The following TMPRSS11F variants were observed in gnomAD, a reference collection of about 807,000 sequenced individuals.
The protein encoded by TMPRSS11F is transmembrane serine protease 11F.
Under a neutral mutation model 60.2 loss-of-function variants are expected in TMPRSS11F, and 47 were observed. That is an observed-to-expected ratio of 0.78 (90% confidence interval 0.62 to 1.00). The LOEUF is 1.00. TMPRSS11F is among the 50% of genes least tolerant of loss of function. The pLI is 0.00. For synonymous variants in TMPRSS11F, 166 were observed against 167.3 expected (o/e 0.99, Z 0.06); for missense variants, 519 against 522.9 (o/e 0.99, Z 0.07).
At chr4:68,064,435 C>T (rs908683598) in intron 8 of TMPRSS11F, among the ~76,000 whole-genome samples, 6 of 152,172 alleles carry the variant, frequency 3.9e-5, no homozygotes, top group Non-Finnish European at 7.3e-5. Context: ...GATCCGCCAG[C>T]CTTGGCCTCC....
At chr4:68,109,454 C>T (rs1205890449) in intron 1 of TMPRSS11F, among the ~76,000 whole-genome samples, 1 of 152,272 alleles carries the variant, frequency 6.6e-6, no homozygotes, top group East Asian at 1.9e-4. Context: ...AGGAATTATA[C>T]ACCAGGTGGA....
rs139926639 is a variant in TMPRSS11F at position 68,069,479 on chromosome 4, G to T, written c.553+490C>A. Among the ~76,000 whole-genome samples, 255 of 152,132 alleles carry T rather than the reference G, an allele frequency of 1.7e-3. 2 individuals are homozygous for T. Among genetic ancestry groups the T allele is most frequent in the African/African-American group, 6.0e-3 (249 of 41,524 alleles). On this transcript the variant is annotated intron_variant, in intron 6 of 9. Transcript: ENST00000356291. Reference sequence around the variant, plus strand: ...TAGATTTCAAGTCAATCTTAAAAGAGAACTTAAAGTGTTACAACATTTTTA... The same window carrying T: ...TAGATTTCAAGTCAATCTTAAAAGATAACTTAAAGTGTTACAACATTTTTA...
intron 1 of TMPRSS11F, among the ~76,000 whole-genome samples, chr4:68,125,098 C>T (rs1343391299): frequency 6.6e-6 from 1 of 151,640 alleles, no homozygotes; most frequent in Non-Finnish European, 1.5e-5. Flanking sequence ...ACTTCATAAA[C>T]TTGAACCATA....
intron 5 of TMPRSS11F, among the ~76,000 whole-genome samples, chr4:68,070,594 C>T (rs1723437450): frequency 6.6e-6 from 1 of 152,216 alleles, no homozygotes; most frequent in Non-Finnish European, 1.5e-5. Context: ...GCACTAGAGG[C>T]ATGAAGTTCT....
intron 2 of TMPRSS11F, among the ~76,000 whole-genome samples, chr4:68,093,263 A>G (rs913846490): frequency 3.3e-5 from 5 of 152,232 alleles, no homozygotes; most frequent in African/African-American, 1.2e-4. Flanking sequence ...ACCCCTTTAT[A>G]TAAGAGTACT....
chr4:68,108,039 G>T (rs998478330), intron 1 of TMPRSS11F, among the ~76,000 whole-genome samples: 1 of 152,198 alleles, frequency 6.6e-6, no homozygotes, highest in African/African-American at 2.4e-5. Context: ...GAGGGCAGCA[G>T]CGAAGATGTG....
At chr4:68,063,696 G>A (rs1049081051) in intron 8 of TMPRSS11F, among the ~76,000 whole-genome samples, 31 of 151,874 alleles carry the variant, frequency 2.0e-4, no homozygotes, top group Non-Finnish European at 4.6e-4. Flanking sequence ...TCTCTTTAAC[G>A]TAGAGTGAAC....
chr4:68,112,021 C>T (rs1024990540), intron 1 of TMPRSS11F, among the ~76,000 whole-genome samples: 9 of 152,078 alleles, frequency 5.9e-5, no homozygotes, highest in Non-Finnish European at 8.8e-5. Context: ...CACATTTCTC[C>T]GCAGCAATCC....
At chr4:68,086,879 A>G (rs1003300485) in intron 3 of TMPRSS11F, among the ~76,000 whole-genome samples, 2 of 152,190 alleles carry the variant, frequency 1.3e-5, no homozygotes, top group African/African-American at 4.8e-5. Flanking sequence ...ATCAGTAACA[A>G]AAAACCTACA....
chr4:68,114,944 T>C (rs886711940), intron 1 of TMPRSS11F, among the ~76,000 whole-genome samples: 1 of 141,882 alleles, frequency 7.0e-6, no homozygotes, highest in Non-Finnish European at 1.5e-5. Flanking sequence ...CATCTCAATA[T>C]ATTCAGAGAA....
intron 5 of TMPRSS11F, among the ~76,000 whole-genome samples, chr4:68,071,611 C>G (rs940451130): frequency 6.6e-6 from 1 of 152,206 alleles, no homozygotes; most frequent in East Asian, 1.9e-4. Flanking sequence ...CATTATTTTA[C>G]TACCTTCAAT....
rs189114922 is a variant in TMPRSS11F at position 68,089,081 on chromosome 4, A to C, written c.282+1442T>G. Among the ~76,000 whole-genome samples, 12 of 152,260 alleles carry C rather than the reference A, an allele frequency of 7.9e-5. No individual in the cohort carries two copies. In the East Asian group the frequency reaches 2.3e-3, roughly 29 times the overall value. ...TTCTGAAACTTACACGGAACCAAAA[A>C]AGGGTCCAAATCACCAAAGCAATCC... On this transcript the variant is annotated intron_variant, in intron 3 of 9. Coordinates refer to ENST00000356291, the MANE Select transcript of TMPRSS11F (RefSeq NM_207407.2).
intron 4 of TMPRSS11F, among the ~76,000 whole-genome samples, chr4:68,073,413 G>A (rs1723519286): frequency 1.3e-5 from 2 of 151,528 alleles, no homozygotes; most frequent in African/African-American, 4.9e-5. Context: ...AAGGAAGGAA[G>A]AAAAGGAGAA....
intron 9 of TMPRSS11F, among the ~76,000 whole-genome samples, chr4:68,054,374 G>A (rs1722999962): frequency 1.3e-5 from 2 of 151,952 alleles, no homozygotes; most frequent in South Asian, 2.1e-4. Context: ...TATATAAAAT[G>A]TTAAATGTGA....
At chr4:68,072,226 A>ATATAT (rs61224244) in intron 5 of TMPRSS11F, 97 bp downstream of exon 5, 2,250 of 79,416 alleles carry the variant, frequency 0.028, 342 homozygotes, top group Non-Finnish European at 0.038. Context: ...TCTTCCAAAA[A>ATATAT]AAAAATATAT....
At chr4:68,117,873 T>C (rs772624947) in intron 1 of TMPRSS11F, among the ~76,000 whole-genome samples, 8 of 152,220 alleles carry the variant, frequency 5.3e-5, no homozygotes, top group Non-Finnish European at 1.0e-4. Flanking sequence ...AAAATGGACA[T>C]GCAGTCCAAC....
At chr4:68,060,459 T>C (rs1163948440) in intron 8 of TMPRSS11F, among the ~76,000 whole-genome samples, 4 of 119,074 alleles carry the variant, frequency 3.4e-5, no homozygotes, top group Admixed American at 1.3e-4. Flanking sequence ...GAGCTTGCAG[T>C]GAGCCAAGAT....
At chr4:68,058,525 A>G (rs909745289) in intron 9 of TMPRSS11F, among the ~76,000 whole-genome samples, 2 of 152,236 alleles carry the variant, frequency 1.3e-5, no homozygotes, top group East Asian at 1.9e-4. Context: ...TCACCAGTCT[A>G]TTTCAGGTGC....
intron 1 of TMPRSS11F, among the ~76,000 whole-genome samples, chr4:68,112,972 T>C (rs1411684415): frequency 6.6e-6 from 1 of 152,162 alleles, no homozygotes; most frequent in East Asian, 1.9e-4. Context: ...CTGAAATATT[T>C]ATTTTTCTAA....
Sources: allele counts gnomAD v4.1 joint callset (sites outside exome capture counted in the v4.1 genomes callset), GRCh38; gene constraint gnomAD v4.1.1; transcripts MANE v1.5; gene names NCBI Gene and HGNC (gene_info 2026-07-23, HGNC 2026-07-21).